LRP1B: variants seen among roughly 807,000 people sequenced by gnomAD.
The protein encoded by LRP1B is LDL receptor related protein 1B.
In LRP1B, 217 loss-of-function variants were observed where a neutral mutation model predicts 556.6. That is an observed-to-expected ratio of 0.39 (90% CI 0.35 to 0.44). The LOEUF is 0.44. LRP1B is among the 20% of genes least tolerant of loss of function. The pLI is 1.00. For synonymous variants in LRP1B, 2,047 were observed against 1,865.8 expected, an observed-to-expected ratio of 1.10 and a Z score of -2.50; for missense variants, 5,053 against 5,620.8, an observed-to-expected ratio of 0.90 and a Z score of 3.23.
At chr2:140,392,126 G>A (rs183633961) in intron 66 of LRP1B, among the ~76,000 whole-genome samples, 3 of 152,242 alleles carry the variant, frequency 2.0e-5, no homozygotes, top group African/African-American at 7.2e-5. Flanking sequence ...ACTAAGACAA[G>A]GGAAAAGTCA....
At chr2:141,015,961 C>T (rs375812881) in intron 12 of LRP1B, 46 bp from the exon 13 acceptor site, 1 of 1,403,864 alleles carries the variant, frequency 7.1e-7, no homozygotes, top group Non-Finnish European at 1.0e-6. Flanking sequence ...GTTATTACAA[C>T]CAGCCACAGT....
At chr2:140,576,255 C>T (rs974033975) in intron 43 of LRP1B, among the ~76,000 whole-genome samples, 2 of 152,146 alleles carry the variant, frequency 1.3e-5, no homozygotes, top group African/African-American at 4.8e-5. Context: ...CTTTGCTCCA[C>T]AAAACAATTT....
At position 141,544,346 on chromosome 2, in the gene LRP1B, C is replaced by CTT. The variant is rs1170436351; in HGVS notation, c.206-63815_206-63814dup. On this transcript the variant is annotated intron_variant, in intron 2 of 90. Transcript: ENST00000389484. Reference sequence around the variant, plus strand: ...TCTTCTTCTTCTTCTTCTTCTTCTTCTTCTTCTTCTTCTTCTTCTTCTTCT... The same window carrying CTT: ...TCTTCTTCTTCTTCTTCTTCTTCTTCTTTTCTTCTTCTTCTTCTTCTTCTTCT... 4.2e-3 allele frequency among the ~76,000 whole-genome samples: 359 copies of CTT among 84,926 alleles called. 9 individuals carry two copies. The highest frequency in any genetic ancestry group is 0.014 in the South Asian group (24 of 1,750). The allele number at this position is 84,926 out of a possible 152,430, so 55.7% of individuals were successfully genotyped here.
At chr2:142,100,258 A>G (rs1166281611) in intron 1 of LRP1B, among the ~76,000 whole-genome samples, 1 of 151,936 alleles carries the variant, frequency 6.6e-6, no homozygotes, top group Non-Finnish European at 1.5e-5. Context: ...CAGGGGGCCC[A>G]AGGCATCACG....
Position 141,188,550 on chromosome 2 carries a change from C to G in LRP1B, c.884G>C (p.Arg295Pro), listed in dbSNP as rs776305678. The change falls in exon 7 of 91, where the codon CGA becomes CCA. Residue 295 changes from arginine to proline, a missense_variant. Arg to Pro is a moderately radical substitution (Grantham distance 103). Transcript: ENST00000389484. ...GACATGGTCCACAAAATAGAGATTT[C>G]GAGTGAGCCAGTCAATCGCCATTTG... Reference protein sequence around the residue: ...VQQMAIDWLTRNLYFVDHVGD... With the variant: ...VQQMAIDWLTPNLYFVDHVGD... The G allele has an allele frequency of 2.5e-6, 4 of 1,612,476 alleles. No individual in the cohort carries two copies. The highest frequency in any genetic ancestry group is 3.4e-6 in the Non-Finnish European group (4 of 1,179,150).
chr2:141,798,446 G>A (rs1447225860), intron 2 of LRP1B, among the ~76,000 whole-genome samples: 1 of 151,974 alleles, frequency 6.6e-6, no homozygotes, highest in Non-Finnish European at 1.5e-5. Context: ...GGTGGCTCAC[G>A]CCTATAATCC....
chr2:140,735,403 G>T (rs1324707604), intron 35 of LRP1B, among the ~76,000 whole-genome samples: 7 of 152,154 alleles, frequency 4.6e-5, no homozygotes, highest in Non-Finnish European at 1.0e-4. Flanking sequence ...AGCCAGATTT[G>T]GTAGATTACA....
intron 2 of LRP1B, among the ~76,000 whole-genome samples, chr2:141,796,688 A>G (rs1695824127): frequency 6.6e-6 from 1 of 151,682 alleles, no homozygotes; most frequent in South Asian, 2.1e-4. Context: ...AACATAACAG[A>G]GACAGCTATA....
rs555572531 is a variant in LRP1B, at chr2:141,367,245, A to G, written c.344-112604T>C. Among the ~76,000 whole-genome samples the G allele has an allele frequency of 2.0e-5, 3 of 152,162 alleles. No homozygotes were observed. In the East Asian group the frequency reaches 5.8e-4, roughly 29 times the overall value. ...GCTTGTTAGTAACAAAAATAAGAAT[A>G]AACAGTATGTACCTAGTTAAATATT... On this transcript the variant is annotated intron_variant, in intron 3 of 90. Transcript: ENST00000389484.
chr2:141,038,012 A>T (rs10210274), intron 11 of LRP1B, among the ~76,000 whole-genome samples: 126,244 of 151,870 alleles, frequency 0.83, 52,708 homozygotes, highest in Non-Finnish European at 0.87. Flanking sequence ...AAGATTTTTT[A>T]AATCTCCTTA....
intron 66 of LRP1B, among the ~76,000 whole-genome samples, chr2:140,431,559 C>T (rs1399402307): frequency 6.6e-6 from 1 of 152,186 alleles, no homozygotes; most frequent in Non-Finnish European, 1.5e-5. Context: ...GTGGTGCTAT[C>T]CCCAAACTGC....
At chr2:142,109,601 A>C (rs992005587) in intron 1 of LRP1B, among the ~76,000 whole-genome samples, 1 of 152,192 alleles carries the variant, frequency 6.6e-6, no homozygotes, top group Non-Finnish European at 1.5e-5. Flanking sequence ...TATTAAAAAT[A>C]ATTTTGAGAA....
chr2:140,544,774 A>G (rs1367925078), intron 43 of LRP1B, among the ~76,000 whole-genome samples: 2 of 152,140 alleles, frequency 1.3e-5, no homozygotes, highest in Non-Finnish European at 2.9e-5. Context: ...GTAGGGCTGT[A>G]ATTAACATCC....
intron 7 of LRP1B, among the ~76,000 whole-genome samples, chr2:141,168,843 C>A (rs1680373819): frequency 6.6e-6 from 1 of 151,984 alleles, no homozygotes; most frequent in Non-Finnish European, 1.5e-5. Context: ...ATCTCATAGG[C>A]TTTTGTGAAG....
intron 3 of LRP1B, among the ~76,000 whole-genome samples, chr2:141,360,227 A>G (rs1331105224): frequency 6.6e-6 from 1 of 152,242 alleles, no homozygotes; most frequent in Non-Finnish European, 1.5e-5. Flanking sequence ...GTTGTAAGCC[A>G]GAATGATATG....
chr2:140,443,357 G>A (rs1314099107), intron 65 of LRP1B, among the ~76,000 whole-genome samples: 5 of 152,114 alleles, frequency 3.3e-5, no homozygotes, highest in East Asian at 1.9e-4. Flanking sequence ...CACTGCACCC[G>A]GCCTGTGTTG....
At chr2:141,036,223 C>A (rs1258989794) in intron 11 of LRP1B, among the ~76,000 whole-genome samples, 1 of 151,798 alleles carries the variant, frequency 6.6e-6, no homozygotes, top group Non-Finnish European at 1.5e-5. Context: ...AGGCGACTAC[C>A]ATAATAGCAG....
chr2:141,243,899 T>C (rs1683974415), intron 5 of LRP1B, among the ~76,000 whole-genome samples: 1 of 152,172 alleles, frequency 6.6e-6, no homozygotes, highest in African/African-American at 2.4e-5. Flanking sequence ...TAAAATCTCC[T>C]CCCTTCAATA....
chr2:141,304,402 T>C (rs1037549036), intron 3 of LRP1B, among the ~76,000 whole-genome samples: 8 of 152,016 alleles, frequency 5.3e-5, no homozygotes, highest in Non-Finnish European at 1.2e-4. Flanking sequence ...TTTAGGTCTT[T>C]TATAGTTTCA....
Sources: allele counts gnomAD v4.1 joint callset (sites outside exome capture counted in the v4.1 genomes callset), GRCh38; gene constraint gnomAD v4.1.1; transcripts MANE v1.5; gene names NCBI Gene and HGNC (gene_info 2026-07-23, HGNC 2026-07-21).